XPO7: variants seen among roughly 807,000 people sequenced by gnomAD.
XPO7 encodes exportin 7.
A neutral mutation model predicts 144.3 loss-of-function variants in XPO7; 21 were observed. The observed-to-expected ratio is 0.15, with a 90% confidence interval of 0.10 to 0.21. The LOEUF (loss-of-function observed/expected upper bound fraction) is 0.21. Among genes scored for constraint, XPO7 ranks in the 10% least tolerant of loss-of-function variants. XPO7 has a pLI of 1.00. For synonymous variants in XPO7, 580 were observed against 499.6 expected (o/e 1.16, Z -2.15); for missense variants, 808 against 1,325.8 (o/e 0.61, Z 6.06).
chr8:21,939,476 C>T (rs1260497946), intron 1 of XPO7, among the ~76,000 whole-genome samples: 1 of 152,196 alleles, frequency 6.6e-6, no homozygotes, highest in Non-Finnish European at 1.5e-5. Flanking sequence ...CTGCCTCAGC[C>T]TCCCAAAGTG....
chr8:21,989,759 T>C (rs2117378193), intron 16 of XPO7, among the ~76,000 whole-genome samples: 1 of 150,732 alleles, frequency 6.6e-6, no homozygotes, highest in Middle Eastern at 3.4e-3. Context: ...TTCATGATTA[T>C]TTGGGGAAAC....
intron 5 of XPO7, among the ~76,000 whole-genome samples, chr8:21,974,206 T>C (rs1415208438): frequency 6.9e-6 from 1 of 145,782 alleles, no homozygotes; most frequent in African/African-American, 2.5e-5. Context: ...TTTTTATTTT[T>C]ATTTTTTTTA....
rs1325181875 is a variant in XPO7, at chr8:21,987,790, C to T, written c.1720C>T (p.Arg574Cys). 6.2e-7 allele frequency: 1 copy of T among 1,613,686 alleles called. No homozygotes were observed. Among genetic ancestry groups the T allele is most frequent in the East Asian group, 2.2e-5 (1 of 44,892 alleles). ...TTTCTCTTCTTAACACCAGCTGTAC[C>T]GCCGACTCTCAGAAGTTCTGGGCTT... The part of the protein sequence containing the change: ...DQVQKSSKLY[R>C]RLSEVLGLND... Residue 574 changes from arginine to cysteine, a missense_variant, in exon 15 of 28, where the codon CGC becomes TGC. By Grantham distance (180) the Arg-to-Cys change is radical (BLOSUM62 -3). Transcript: ENST00000252512.
At chr8:21,940,474 CTTT>C (rs34280582) in intron 1 of XPO7, among the ~76,000 whole-genome samples, 5 of 143,838 alleles carry the variant, frequency 3.5e-5, no homozygotes, top group African/African-American at 2.6e-5. Flanking sequence ...CATAGTTAGG[CTTT>C]TTTTTTTTTT....
At chr8:21,992,094 TA>T in intron 19 of XPO7, 120 bp downstream of exon 19, 2 of 657,688 alleles carry the variant, frequency 3.0e-6, no homozygotes, top group Non-Finnish European at 4.9e-6. Flanking sequence ...CTTGGACTTC[TA>T]GGGTTTTGGA....
chr8:21,970,438 T>C, intron 4 of XPO7, 128 bp downstream of exon 4: 2 of 984,086 alleles, frequency 2.0e-6, no homozygotes, highest in South Asian at 4.1e-5. Context: ...AAAATAGAAT[T>C]ATATGATATA....
Position 21,993,871 on chromosome 8 carries a change from C to CT in XPO7, c.2149-486dup, listed in dbSNP as rs577538143. ...CTTCTTCTTTGGGACTTCTGTTTTT[C>CT]TTTTTTGCTTTTTTCTGGCTTTTTG... On this transcript the variant is annotated intron_variant, in intron 19 of 27. Transcript: ENST00000252512. 2.7e-3 allele frequency among the ~76,000 whole-genome samples: 405 copies of CT among 151,614 alleles called. 3 individuals carry two copies. Among genetic ancestry groups the CT allele is most frequent in the South Asian group, 0.026 (123 of 4,764 alleles).
In XPO7 at chr8:21,971,516, T is replaced by A. The variant is rs1052519338; in HGVS notation, c.427-360T>A. On this transcript the variant is annotated intron_variant, in intron 4 of 27. Transcript: ENST00000252512. ...ATATCTTAACCACACTTCCTCAGAT[T>A]CTTTGCTTATTGTTTTATGCATTCT... 7.2e-5 allele frequency among the ~76,000 whole-genome samples: 11 copies of A among 152,246 alleles called. No individual in the cohort carries two copies. The South Asian group carries it at 8.3e-4, about 11-fold the overall frequency.
At chr8:21,937,151 G>A (rs1489305966) in intron 1 of XPO7, among the ~76,000 whole-genome samples, 5 of 152,220 alleles carry the variant, frequency 3.3e-5, no homozygotes, top group African/African-American at 1.2e-4. Flanking sequence ...TGGCTAGAAA[G>A]TGTTTAGATT....
At chr8:21,932,217 C>T (rs1810675863) in intron 1 of XPO7, among the ~76,000 whole-genome samples, 1 of 152,112 alleles carries the variant, frequency 6.6e-6, no homozygotes, top group African/African-American at 2.4e-5. Flanking sequence ...TATTTGCTGA[C>T]TTGATTAATA....
chr8:21,995,182 G>A (rs1812905830), intron 20 of XPO7, among the ~76,000 whole-genome samples: 1 of 152,114 alleles, frequency 6.6e-6, no homozygotes, highest in Admixed American at 6.5e-5. Context: ...GTTATGTAAA[G>A]GAAATGAGCT....
intron 14 of XPO7, 106 bp from the exon 15 acceptor site, chr8:21,987,678 T>C: frequency 8.0e-7 from 1 of 1,255,796 alleles, no homozygotes; most frequent in Non-Finnish European, 1.1e-6. Flanking sequence ...TCTGGGATTC[T>C]TGTCCATTTT....
intron 1 of XPO7, among the ~76,000 whole-genome samples, chr8:21,956,497 A>G (rs143514927): frequency 2.6e-5 from 4 of 152,258 alleles, no homozygotes; most frequent in African/African-American, 7.2e-5. Flanking sequence ...TATTTTATTG[A>G]TAACTTCCTT....
Position 21,995,608 on chromosome 8 carries a change from G to C in XPO7, c.2345+9G>C, listed in dbSNP as rs373939620. The C allele has an allele frequency of 1.9e-6, 3 of 1,581,182 alleles. No homozygotes were observed. The highest frequency in any genetic ancestry group is 2.7e-5 in the African/African-American group (2 of 74,466). ...GAATTGGTTCATAATAGGTAAGCAG[G>C]AGGCAGAGCTTGCAAGGGCACATCT... On this transcript the variant is annotated intron_variant, in intron 21 of 27. Transcript: ENST00000252512.
intron 11 of XPO7, among the ~76,000 whole-genome samples, chr8:21,983,625 G>A (rs1211864059): frequency 6.6e-6 from 1 of 152,150 alleles, no homozygotes; most frequent in Non-Finnish European, 1.5e-5. Context: ...CTGAGGATTC[G>A]GCTGGCTTCA....
intron 10 of XPO7, 101 bp from the exon 11 acceptor site, chr8:21,982,539 T>C (rs1392809075): frequency 1.5e-6 from 2 of 1,353,902 alleles, no homozygotes; most frequent in Non-Finnish European, 1.9e-6. Flanking sequence ...ATCCTCTTTT[T>C]TTAAAAAAAA....
At chr8:21,981,953 T>C in intron 10 of XPO7, 76 bp downstream of exon 10, 1 of 1,571,118 alleles carries the variant, frequency 6.4e-7, no homozygotes, top group Non-Finnish European at 8.7e-7. Context: ...CATGTAAGAA[T>C]ATATTTTTTT....
chr8:21,994,575 C>T, intron 20 of XPO7, 124 bp downstream of exon 20: 2 of 851,894 alleles, frequency 2.3e-6, no homozygotes, highest in Non-Finnish European at 3.7e-6. Flanking sequence ...GAAGAGTTAG[C>T]CAGAAGGCCT....
At chr8:21,924,522 C>T (rs1173145963) in intron 1 of XPO7, among the ~76,000 whole-genome samples, 1 of 151,722 alleles carries the variant, frequency 6.6e-6, no homozygotes, top group Non-Finnish European at 1.5e-5. Flanking sequence ...GCTGAGTAAC[C>T]TGAGAGTTTT....
Sources: gnomAD v4.1 joint callset for allele counts (sites outside exome capture counted in the v4.1 genomes callset) on GRCh38, gnomAD v4.1.1 for gene constraint, MANE v1.5 for transcripts, NCBI Gene and HGNC (gene_info 2026-07-23, HGNC 2026-07-21) for gene names.